CELF2: variants seen among roughly 807,000 people sequenced by gnomAD.
CELF2 encodes the protein CUG triplet repeat RNA-binding protein 2.
In CELF2, 8 loss-of-function variants were observed where a neutral mutation model predicts 62.6. That is an observed-to-expected ratio of 0.13 (90% CI 0.07 to 0.23). The LOEUF is 0.23. Among genes scored for constraint, CELF2 ranks in the 10% least tolerant of loss-of-function variants. The pLI, the probability that CELF2 is intolerant of heterozygous loss-of-function variation, is 1.00. For missense variants in CELF2, 333 were observed against 671.0 expected (o/e 0.50, Z 5.56); for synonymous variants, 258 against 250.0 (o/e 1.03, Z -0.30).
the CELF2 span, among the ~76,000 whole-genome samples, chr10:10,564,904 A>G: frequency 6.6e-6 from 1 of 152,152 alleles, no homozygotes; most frequent in African/African-American, 2.4e-5. Flanking sequence ...GCAACCTACA[A>G]TGTGCCAGGC....
chr10:10,781,203 G>A, the CELF2 span, among the ~76,000 whole-genome samples: 6 of 152,120 alleles, frequency 3.9e-5, no homozygotes, highest in Non-Finnish European at 5.9e-5. Context: ...ATATATGAGT[G>A]GCCCCAGCAG....
chr10:10,821,782 G>A (rs1160653525), intron 1 of CELF2, among the ~76,000 whole-genome samples: 1 of 152,174 alleles, frequency 6.6e-6, no homozygotes, highest in Non-Finnish European at 1.5e-5. Context: ...GTGGGAGTAT[G>A]TGGTGATGCA....
the CELF2 span, among the ~76,000 whole-genome samples, chr10:10,493,997 A>G: frequency 6.6e-6 from 1 of 152,122 alleles, no homozygotes; most frequent in African/African-American, 2.4e-5. Context: ...CGGTGACCTC[A>G]TGGTTCTTTG....
At chr10:10,970,750 A>T (rs1312624210) in intron 2 of CELF2, 1 of 152,054 alleles carries the variant, frequency 6.6e-6, no homozygotes, top group African/African-American at 2.4e-5. Flanking sequence ...GCAACATGTA[A>T]TTTTTTTTAT....
the CELF2 span, among the ~76,000 whole-genome samples, chr10:10,703,965 T>A: frequency 1.3e-5 from 2 of 152,202 alleles, no homozygotes; most frequent in Non-Finnish European, 2.9e-5. Flanking sequence ...GACAAAATAT[T>A]CCAATATTTC....
At chr10:10,476,254 T>C in the CELF2 span, among the ~76,000 whole-genome samples, 1 of 152,182 alleles carries the variant, frequency 6.6e-6, no homozygotes. Flanking sequence ...CATACAGCTC[T>C]GCCCCTCTGT....
intron 1 of CELF2, among the ~76,000 whole-genome samples, chr10:10,909,441 T>C (rs1046139742): frequency 6.6e-6 from 1 of 152,232 alleles, no homozygotes; most frequent in Non-Finnish European, 1.5e-5. Context: ...CACTTCATTC[T>C]GGATGGAGTC....
At chr10:10,672,793 T>C in the CELF2 span, among the ~76,000 whole-genome samples, 1 of 152,268 alleles carries the variant, frequency 6.6e-6, no homozygotes, top group East Asian at 1.9e-4. Context: ...TTTTCCTATG[T>C]ATATAAATTT....
chr10:10,800,203 G>C (rs185361141), intron 1 of CELF2, among the ~76,000 whole-genome samples: 1 of 152,116 alleles, frequency 6.6e-6, no homozygotes, highest in Non-Finnish European at 1.5e-5. Context: ...TCATATTCTA[G>C]AACTTTCCAC....
chr10:11,014,751 C>T (rs2056998034), upstream of CELF2, among the ~76,000 whole-genome samples: 1 of 152,048 alleles, frequency 6.6e-6, no homozygotes, highest in East Asian at 1.9e-4. Context: ...CTGGGAAGGC[C>T]TCATATAAAA....
chr10:11,028,279 C>T (rs973071414), intron 1 of CELF2, among the ~76,000 whole-genome samples: 8 of 152,138 alleles, frequency 5.3e-5, no homozygotes, highest in African/African-American at 1.4e-4. Flanking sequence ...TTCTGAAAAG[C>T]CCTTCTCTAC....
chr10:11,083,724 A>G (rs2074656648), intron 1 of CELF2, among the ~76,000 whole-genome samples: 1 of 152,182 alleles, frequency 6.6e-6, no homozygotes, highest in East Asian at 1.9e-4. Context: ...TGACAGCTTG[A>G]ATTGGACTCT....
At chr10:10,920,048 AAAGAG>A in intron 2 of CELF2, 2 of 1,175,638 alleles carry the variant, frequency 1.7e-6, no homozygotes, top group Non-Finnish European at 2.1e-6. Flanking sequence ...TTATATCCAC[AAAGAG>A]AAGTACTGTG....
At chr10:11,096,307 A>C (rs1564720465) in intron 1 of CELF2, 2 of 152,194 alleles carry the variant, frequency 1.3e-5, no homozygotes, top group South Asian at 2.1e-4. Flanking sequence ...CTTACCTCTA[A>C]TTTGCATTAC....
the CELF2 span, among the ~76,000 whole-genome samples, chr10:10,745,269 A>G: frequency 6.6e-6 from 1 of 152,226 alleles, no homozygotes; most frequent in Non-Finnish European, 1.5e-5. Flanking sequence ...CTCGTGCAAA[A>G]TAACATTTAT....
At chr10:10,815,809 A>G (rs1401924170) in intron 1 of CELF2, among the ~76,000 whole-genome samples, 1 of 152,144 alleles carries the variant, frequency 6.6e-6, no homozygotes, top group East Asian at 1.9e-4. Context: ...TTAGATGGGG[A>G]ACAGAGCTAA....
chr10:11,153,200 C>A (rs373750928), intron 1 of CELF2, among the ~76,000 whole-genome samples: 2 of 152,108 alleles, frequency 1.3e-5, no homozygotes, highest in African/African-American at 2.4e-5. Context: ...TCTAGAGGGG[C>A]CTTTCACCTG....
At chr10:11,236,532 A>G (rs2071380166) in intron 3 of CELF2, among the ~76,000 whole-genome samples, 1 of 152,220 alleles carries the variant, frequency 6.6e-6, no homozygotes, top group African/African-American at 2.4e-5. Context: ...AATACTGCAG[A>G]TGAATTACTG....
At position 11,321,520 on chromosome 10, in the gene CELF2, A is replaced by T. The variant is rs1295286054; in HGVS notation, c.1294+134A>T. On this transcript the variant is annotated intron_variant, in intron 11 of 12. Transcript: ENST00000633077. This position sits in a 1 kb window ranked among gnomAD's most constrained non-coding sequence, Gnocchi z 6.2. The stretch of plus-strand genomic sequence containing the variant: ...AGCAGTTGTTTTGTTATTCATGTTT[A>T]AAAAAAAAAAAAACTGAAAGCTGGG... 9.0e-5 allele frequency: 4 copies of T among 44,452 alleles called. No individual in the cohort carries two copies. The highest frequency in any genetic ancestry group is 1.9e-4 in the Non-Finnish European group (3 of 15,830). The allele number at this position is 44,452 out of a possible 1,614,324, so 2.8% of individuals were successfully genotyped here. A position where few individuals can be genotyped will look rare whatever the true frequency, so the allele number is the denominator to read the frequency against.
Sources: allele counts gnomAD v4.1 joint callset (sites outside exome capture counted in the v4.1 genomes callset), GRCh38; gene constraint gnomAD v4.1.1; non-coding constraint Gnocchi (gnomAD v3.1); transcripts MANE v1.5; gene names NCBI Gene and HGNC (gene_info 2026-07-23, HGNC 2026-07-21).